The following PRSS55 variants were observed in gnomAD, a reference collection of about 807,000 sequenced individuals.
The protein encoded by PRSS55 is serine protease 55.
Under a neutral mutation model 23.6 loss-of-function variants are expected in PRSS55, and 41 were observed. The observed-to-expected ratio is 1.74, with a 90% CI of 1.35 to 2.26. PRSS55 has a LOEUF of 2.26. PRSS55 is among the 30% of genes most tolerant of loss of function. The pLI, the probability that PRSS55 is intolerant of heterozygous loss-of-function variation, is 0.00. For missense variants in PRSS55, 669 were observed against 439.1 expected, an observed-to-expected ratio of 1.52 and a Z score of -4.68; for synonymous variants, 262 against 175.5, an observed-to-expected ratio of 1.49 and a Z score of -3.90.
downstream of PRSS55, chr8:10,541,046 G>A (rs1272713546): frequency 2.6e-5 from 4 of 152,604 alleles, no homozygotes; most frequent in Non-Finnish European, 5.8e-5. Flanking sequence ...GCCTGGCCTA[G>A]AAGGACATTG....
At chr8:10,536,266 C>T (rs896321091) in intron 4 of PRSS55, among the ~76,000 whole-genome samples, 1 of 152,018 alleles carries the variant, frequency 6.6e-6, no homozygotes, top group Non-Finnish European at 1.5e-5. Context: ...AAAAATAAAG[C>T]TCAATATCAC....
intron 4 of PRSS55, among the ~76,000 whole-genome samples, chr8:10,545,722 G>C (rs977345147): frequency 1.3e-5 from 2 of 152,176 alleles, no homozygotes; most frequent in African/African-American, 4.8e-5. Context: ...TTTGAATTGA[G>C]ACTGTAGAGA....
At chr8:10,533,134 T>A (rs1027681997) in intron 4 of PRSS55, 86 bp downstream of exon 4, 35 of 1,406,164 alleles carry the variant, frequency 2.5e-5, no homozygotes, top group African/African-American at 1.7e-4. Context: ...CTGCTGCAAA[T>A]AGACAATTCT....
At chr8:10,534,019 A>G (rs923439288) in intron 4 of PRSS55, among the ~76,000 whole-genome samples, 1 of 152,196 alleles carries the variant, frequency 6.6e-6, no homozygotes, top group Non-Finnish European at 1.5e-5. Flanking sequence ...CTGGCAGCAT[A>G]GCACTAGGTT....
chr8:10,551,753 CT>C (rs1270354389), intron 4 of PRSS55, among the ~76,000 whole-genome samples: 7 of 152,208 alleles, frequency 4.6e-5, no homozygotes, highest in Admixed American at 3.3e-4. Context: ...CCACCCCATC[CT>C]TTTAGTGGGG....
chr8:10,532,417 C>T (rs1313657426), intron 3 of PRSS55, among the ~76,000 whole-genome samples: 2 of 151,712 alleles, frequency 1.3e-5, no homozygotes, highest in Non-Finnish European at 2.9e-5. Context: ...CCAGAAAGGG[C>T]CTCTGCAAAT....
chr8:10,546,587 G>C (rs537870876), intron 4 of PRSS55, among the ~76,000 whole-genome samples: 9 of 152,286 alleles, frequency 5.9e-5, no homozygotes, highest in Admixed American at 5.9e-4. Flanking sequence ...GGGCAGCCAC[G>C]GTGCTCCTGT....
At chr8:10,530,906 T>G (rs4841364) in intron 2 of PRSS55, among the ~76,000 whole-genome samples, 22 of 152,184 alleles carry the variant, frequency 1.4e-4, no homozygotes, top group Non-Finnish European at 2.1e-4. Flanking sequence ...GGTAGACCAG[T>G]TGATACAAAA....
intron 2 of PRSS55, 134 bp downstream of exon 2, chr8:10,529,833 C>A (rs1812185274): frequency 2.3e-6 from 2 of 851,114 alleles, no homozygotes; most frequent in Non-Finnish European, 3.7e-6. Flanking sequence ...GGCTCCCACC[C>A]ATCCACCCAC....
At chr8:10,528,599 C>T (rs1812122085) in intron 1 of PRSS55, among the ~76,000 whole-genome samples, 1 of 152,206 alleles carries the variant, frequency 6.6e-6, no homozygotes, top group African/African-American at 2.4e-5. Context: ...AAAGGAGCTG[C>T]TCAGCCTTGA....
At chr8:10,548,024 G>A (rs1038054464) in intron 4 of PRSS55, among the ~76,000 whole-genome samples, 4 of 152,128 alleles carry the variant, frequency 2.6e-5, no homozygotes, top group African/African-American at 9.7e-5. Flanking sequence ...AGGCCCGGAT[G>A]AGAGCAGAGA....
At chr8:10,539,596 G>C (rs1193472380), downstream of PRSS55, among the ~76,000 whole-genome samples, 2 of 152,196 alleles carry the variant, frequency 1.3e-5, no homozygotes, top group African/African-American at 4.8e-5. Context: ...GGGACCCACT[G>C]GGAGATAATT....
intron 1 of PRSS55, 147 bp from the exon 2 acceptor site, chr8:10,529,360 C>CTCGTGA: frequency 1.3e-6 from 1 of 786,278 alleles, no homozygotes; most frequent in Non-Finnish European, 2.2e-6. Context: ...AGGGCTGCCC[C>CTCGTGA]GCTCGGCAGC....
intron 1 of PRSS55, 131 bp from the exon 2 acceptor site, chr8:10,529,376 T>G (rs749866361): frequency 6.5e-6 from 6 of 920,286 alleles, no homozygotes; most frequent in Admixed American, 3.8e-5. Flanking sequence ...GCAGCCTCAG[T>G]GAGCTCCTCT....
chr8:10,529,335 C>A, intron 1 of PRSS55, 172 bp from the exon 2 acceptor site: 1 of 662,240 alleles, frequency 1.5e-6, no homozygotes. Flanking sequence ...AAACCATCTG[C>A]CGGCTGATGT....
intron 4 of PRSS55, among the ~76,000 whole-genome samples, chr8:10,546,584 C>T (rs575577912): frequency 3.9e-5 from 6 of 152,314 alleles, no homozygotes; most frequent in African/African-American, 1.4e-4. Context: ...GCAGGGCAGC[C>T]ACGGTGCTCC....
intron 3 of PRSS55, among the ~76,000 whole-genome samples, chr8:10,532,484 G>A (rs960114335): frequency 6.6e-6 from 1 of 152,170 alleles, no homozygotes; most frequent in African/African-American, 2.4e-5. Flanking sequence ...AGGACCTAAA[G>A]TTTTTTCACC....
Position 10,531,443 on chromosome 8 carries a change from A to C in PRSS55, c.496A>C (p.Ile166Leu). 1 of 1,614,226 alleles carries C rather than the reference A, an allele frequency of 6.2e-7. No individual in the cohort carries two copies. Among genetic ancestry groups the C allele is most frequent in the Non-Finnish European group, 8.5e-7 (1 of 1,180,052 alleles). Reference protein sequence around the residue: ...DIALLLLASPIKLDDLKVPIC... With the variant: ...DIALLLLASPLKLDDLKVPIC... ...TGCCTTGCTGCTGCTGGCTTCGCCC[A>C]TCAAGCTCGATGACCTGAAGGTGCC... Residue 166 changes from isoleucine (I) to leucine (L), a missense_variant, in exon 3 of 5, where the codon ATC becomes CTC. Coordinates refer to ENST00000328655, the MANE Select transcript of PRSS55 (RefSeq NM_198464.4).
At position 10,553,595 on chromosome 8, in the gene PRSS55, A is replaced by C. The variant is rs575061211; in HGVS notation, c.742-348A>C. Among the ~76,000 whole-genome samples the C allele has an allele frequency of 3.9e-5, 6 of 152,358 alleles. No individual in the cohort carries two copies. In the East Asian group the frequency reaches 9.6e-4, roughly 24 times the overall value. On this transcript the variant is annotated intron_variant, in intron 4 of 4. Coordinates refer to the PRSS55 transcript ENST00000522210. Reference sequence around the variant, plus strand: ...CTCACTTACATATGGAATCTAAAAAATGTGAACTCATAGAATCGCAGAGTA... The same window carrying C: ...CTCACTTACATATGGAATCTAAAAACTGTGAACTCATAGAATCGCAGAGTA...
Sources: allele counts gnomAD v4.1 joint callset (sites outside exome capture counted in the v4.1 genomes callset), GRCh38; gene constraint gnomAD v4.1.1; transcripts MANE v1.5; gene names NCBI Gene and HGNC (gene_info 2026-07-23, HGNC 2026-07-21).